Variants in HSD17B4 observed in about 807,000 individuals in gnomAD.
The protein encoded by HSD17B4 is hydroxysteroid 17-beta dehydrogenase 4.
Under a neutral mutation model 101.0 loss-of-function variants are expected in HSD17B4, and 70 were observed. That is an observed-to-expected ratio of 0.69 (90% CI 0.57 to 0.85). The LOEUF (loss-of-function observed/expected upper bound fraction) is 0.85, where lower values mean the gene tolerates loss of function less well. Ranked by LOEUF, HSD17B4 falls within the 40% of genes least tolerant of loss-of-function variation. The probability of loss-of-function intolerance (pLI) is 0.00; values close to 1 mark genes in which losing one functional copy is unlikely to be tolerated. For missense variants in HSD17B4, 984 were observed against 892.4 expected (o/e 1.10, Z -1.31); for synonymous variants, 347 against 297.1 (o/e 1.17, Z -1.73).
chr5:119,509,438 A>G (rs776832863), intron 16 of HSD17B4, 194 bp downstream of exon 16: 9 of 693,720 alleles, frequency 1.3e-5, no homozygotes, highest in Non-Finnish European at 7.9e-6. Flanking sequence ...AGCCTACCCA[A>G]TGTGAGGATG....
intron 9 of HSD17B4, among the ~76,000 whole-genome samples, chr5:119,489,993 CTT>C (rs1403989587): frequency 6.6e-6 from 1 of 151,120 alleles, no homozygotes; most frequent in African/African-American, 2.4e-5. Flanking sequence ...AGTTTGATCT[CTT>C]TTTTCTAGCC....
At chr5:119,455,568 C>CTCTATATATA (rs35030315) in intron 1 of HSD17B4, among the ~76,000 whole-genome samples, 66 of 136,484 alleles carry the variant, frequency 4.8e-4, no homozygotes, top group African/African-American at 1.2e-3. Context: ...CTCTCTCTCT[C>CTCTATATATA]TATATATATA....
At chr5:119,470,471 A>G (rs1247963579) in intron 2 of HSD17B4, among the ~76,000 whole-genome samples, 1 of 152,178 alleles carries the variant, frequency 6.6e-6, no homozygotes, top group Non-Finnish European at 1.5e-5. Context: ...TTCAGGAGCA[A>G]TTCAGCTGTG....
chr5:119,517,890 G>A (rs1752776232), intron 17 of HSD17B4, among the ~76,000 whole-genome samples: 1 of 152,126 alleles, frequency 6.6e-6, no homozygotes, highest in East Asian at 1.9e-4. Context: ...TAGCTACTCT[G>A]GTGGGGCCTT....
At chr5:119,513,803 A>T (rs193232374) in intron 16 of HSD17B4, among the ~76,000 whole-genome samples, 14 of 152,338 alleles carry the variant, frequency 9.2e-5, no homozygotes, top group Middle Eastern at 3.4e-3. Flanking sequence ...TGTGCCATAA[A>T]CGAGTTTCTA....
chr5:119,484,200 C>T (rs192714180), intron 8 of HSD17B4, among the ~76,000 whole-genome samples: 2 of 152,170 alleles, frequency 1.3e-5, no homozygotes, highest in African/African-American at 4.8e-5. Context: ...GGACTGAGAC[C>T]CTCCCTTAAA....
intron 14 of HSD17B4, among the ~76,000 whole-genome samples, chr5:119,506,211 C>G (rs918491796): frequency 1.3e-5 from 2 of 152,124 alleles, no homozygotes; most frequent in Admixed American, 6.6e-5. Context: ...GTTCCCCTCC[C>G]TGTGTCCATG....
intron 22 of HSD17B4, chr5:119,535,889 A>T (rs749354603): frequency 3.0e-5 from 5 of 166,180 alleles, no homozygotes; most frequent in African/African-American, 7.2e-5. Flanking sequence ...TAAAGTATAT[A>T]TCTTAATAAG....
At position 119,478,939 on chromosome 5, in the gene HSD17B4, T is replaced by C. The variant is rs1748856236; in HGVS notation, c.540T>C (p.Ile180=). Residue 180 remains isoleucine, a synonymous_variant, in exon 8 of 24, where the codon ATT becomes ATC. Coordinates refer to ENST00000510025, the MANE Select transcript of HSD17B4 (RefSeq NM_000414.4). ...TGGGCCTTGCAAATTCTCTTGCAATTGAAGGCAGGAAAAGCAACATTCATT... is the reference window on the plus strand; with the variant it reads ...TGGGCCTTGCAAATTCTCTTGCAATCGAAGGCAGGAAAAGCAACATTCATT... ...GLLGLANSLA[I]EGRKSNIHCN... is the part of the protein sequence containing the mutation. 6.2e-7 allele frequency: 1 copy of C among 1,613,682 alleles called. No individual in the cohort carries two copies. Among genetic ancestry groups the C allele is most frequent in the Non-Finnish European group, 8.5e-7 (1 of 1,179,700 alleles).
At chr5:119,455,583 T>TATATATATATAA (rs977188974) in intron 1 of HSD17B4, among the ~76,000 whole-genome samples, 1 of 150,598 alleles carries the variant, frequency 6.6e-6, no homozygotes, top group African/African-American at 2.4e-5. Context: ...TATATATATA[T>TATATATATATAA]AATTTCTTTT....
intron 9 of HSD17B4, among the ~76,000 whole-genome samples, chr5:119,490,940 C>T (rs995562664): frequency 2.0e-5 from 3 of 152,128 alleles, no homozygotes; most frequent in African/African-American, 7.2e-5. Flanking sequence ...TGTTATGTTG[C>T]TGTTTTCTTT....
chr5:119,536,650 G>A (rs1754567336), intron 23 of HSD17B4, 100 bp downstream of exon 23: 1 of 1,110,092 alleles, frequency 9.0e-7, no homozygotes. Context: ...TATAAGCCAG[G>A]TTTCTTACAA....
In HSD17B4 at chr5:119,452,523, T is replaced by G. The variant is rs565384147; in HGVS notation, c.-53T>G. On this transcript the variant is annotated 5_prime_UTR_variant, in exon 1 of 24. Coordinates refer to ENST00000510025, the MANE Select transcript of HSD17B4 (RefSeq NM_000414.4). ...TTCCCCGCCTCCTCCTGTCCCGCAG[T>G]CGGCGTCCAGCGGCTCTGCTTGTTC... 1 of 1,613,226 alleles carries G rather than the reference T, an allele frequency of 6.2e-7. No homozygotes were observed. The highest frequency in any genetic ancestry group is 1.1e-5 in the South Asian group (1 of 91,032).
At chr5:119,488,888 C>T (rs1749841924) in intron 8 of HSD17B4, among the ~76,000 whole-genome samples, 1 of 152,098 alleles carries the variant, frequency 6.6e-6, no homozygotes, top group Admixed American at 6.6e-5. Context: ...ATGTTAAATA[C>T]AGTTTTGCTC....
intron 22 of HSD17B4, among the ~76,000 whole-genome samples, chr5:119,531,758 A>G (rs574304052): frequency 1.2e-4 from 19 of 152,286 alleles, no homozygotes; most frequent in African/African-American, 4.6e-4. Context: ...CATCAAGTCA[A>G]AATGAAGTAT....
At chr5:119,519,199 A>G (rs1752902870) in intron 17 of HSD17B4, among the ~76,000 whole-genome samples, 1 of 152,158 alleles carries the variant, frequency 6.6e-6, no homozygotes, top group African/African-American at 2.4e-5. Context: ...AGTTTTTCAT[A>G]ATTATTAATA....
At chr5:119,516,864 A>G (rs1449315088) in intron 17 of HSD17B4, among the ~76,000 whole-genome samples, 1 of 152,266 alleles carries the variant, frequency 6.6e-6, no homozygotes. Context: ...TTTGATTTGT[A>G]GTATAGGTGT....
chr5:119,506,138 G>A (rs1751630809), intron 14 of HSD17B4, among the ~76,000 whole-genome samples: 1 of 151,834 alleles, frequency 6.6e-6, no homozygotes, highest in Non-Finnish European at 1.5e-5. Context: ...CCTATATTAG[G>A]TATTTCTCCT....
intron 22 of HSD17B4, among the ~76,000 whole-genome samples, chr5:119,532,366 C>G (rs1580714211): frequency 6.6e-6 from 1 of 152,056 alleles, no homozygotes; most frequent in East Asian, 1.9e-4. Context: ...TTTCTAGCTT[C>G]TAGTATAGTC....
Sources: gnomAD v4.1 joint callset for allele counts (sites outside exome capture counted in the v4.1 genomes callset) on GRCh38, gnomAD v4.1.1 for gene constraint, MANE v1.5 for transcripts, NCBI Gene and HGNC (gene_info 2026-07-23, HGNC 2026-07-21) for gene names.